GRID2: variants seen among roughly 807,000 people sequenced by gnomAD.
GRID2 encodes glutamate ionotropic receptor delta type subunit 2, also known as glutamate receptor ionotropic, delta-2.
In GRID2, 33 loss-of-function variants were observed where a neutral mutation model predicts 114.8. The ratio of observed to expected loss-of-function variants is 0.29; its 90% CI spans 0.22 to 0.38. The LOEUF (loss-of-function observed/expected upper bound fraction) is 0.38. Ranked by LOEUF, GRID2 falls within the 10% of genes least tolerant of loss-of-function variation. The pLI is 1.00. For missense variants in GRID2, 1,184 were observed against 1,257.7 expected (o/e 0.94, Z 0.89); for synonymous variants, 505 against 449.9 (o/e 1.12, Z -1.55).
At chr4:92,501,890 T>C (rs1372166600) in intron 1 of GRID2, among the ~76,000 whole-genome samples, 2 of 152,202 alleles carry the variant, frequency 1.3e-5, no homozygotes, top group Non-Finnish European at 2.9e-5. Flanking sequence ...TCAGATGACA[T>C]ATGAAACAGT....
chr4:92,828,320 A>G (rs972624567), intron 2 of GRID2, among the ~76,000 whole-genome samples: 4 of 152,138 alleles, frequency 2.6e-5, no homozygotes, highest in Admixed American at 2.0e-4. Flanking sequence ...ATAGATTTGC[A>G]CTTGATAGAT....
chr4:92,880,267 A>G (rs1578375126), intron 2 of GRID2, among the ~76,000 whole-genome samples: 1 of 152,202 alleles, frequency 6.6e-6, no homozygotes, highest in Non-Finnish European at 1.5e-5. Flanking sequence ...TTGATTACCT[A>G]TTAACAACTG....
chr4:92,337,773 G>A (rs1426430242), intron 1 of GRID2, among the ~76,000 whole-genome samples: 1 of 152,094 alleles, frequency 6.6e-6, no homozygotes, highest in Non-Finnish European at 1.5e-5. Context: ...GATTTGGGTG[G>A]GGACACAAAG....
At chr4:93,791,823 TA>T (rs1278672859) in intron 1 of GRID2, among the ~76,000 whole-genome samples, 2 of 147,668 alleles carry the variant, frequency 1.4e-5, no homozygotes, top group African/African-American at 5.3e-5. Flanking sequence ...AGTTTAGCTT[TA>T]AATTCTGTTT....
chr4:93,778,382 A>C (rs1427132048), downstream of GRID2, among the ~76,000 whole-genome samples: 2 of 145,394 alleles, frequency 1.4e-5, no homozygotes, highest in African/African-American at 5.0e-5. Context: ...TGTTCAGCTT[A>C]TCTCATTTGG....
At chr4:92,530,344 T>G (rs539666518) in intron 1 of GRID2, among the ~76,000 whole-genome samples, 2 of 152,092 alleles carry the variant, frequency 1.3e-5, no homozygotes, top group South Asian at 4.1e-4. Context: ...AATGCCTTGT[T>G]GTGTGATGCA....
At chr4:92,371,538 G>A (rs980394309) in intron 1 of GRID2, among the ~76,000 whole-genome samples, 3 of 152,110 alleles carry the variant, frequency 2.0e-5, no homozygotes, top group Non-Finnish European at 2.9e-5. Flanking sequence ...GGAAGACAAT[G>A]TATGTGTTTC....
intron 2 of GRID2, among the ~76,000 whole-genome samples, chr4:92,641,219 A>G (rs62309173): frequency 0.046 from 7,043 of 151,798 alleles, 211 homozygotes; most frequent in East Asian, 0.093. Context: ...TACTAGACAT[A>G]TAGACATCCT....
At chr4:93,108,806 T>G (rs1260201140) in intron 3 of GRID2, among the ~76,000 whole-genome samples, 1 of 151,984 alleles carries the variant, frequency 6.6e-6, no homozygotes, top group Non-Finnish European at 1.5e-5. Context: ...AATTTTCGTA[T>G]TTTTAGTAGA....
intron 14 of GRID2, among the ~76,000 whole-genome samples, chr4:93,667,152 T>C (rs536644260): frequency 6.6e-6 from 1 of 152,102 alleles, no homozygotes; most frequent in East Asian, 1.9e-4. Flanking sequence ...AATAAGACAA[T>C]TCAGTATATC....
chr4:93,666,415 G>A (rs766188361), intron 14 of GRID2, among the ~76,000 whole-genome samples: 1 of 152,012 alleles, frequency 6.6e-6, no homozygotes, highest in East Asian at 1.9e-4. Context: ...ATTTTTCAGA[G>A]AGGTATTTAA....
chr4:92,578,717 T>TATCAATCA (rs1728024604), intron 1 of GRID2, among the ~76,000 whole-genome samples: 1 of 109,408 alleles, frequency 9.1e-6, no homozygotes, highest in Non-Finnish European at 1.9e-5. Context: ...AAAATATCAT[T>TATCAATCA]ATCTATCTAT....
Position 92,439,167 on chromosome 4 carries a change from T to C in GRID2, c.88+134423T>C, listed in dbSNP as rs566189919. Among the ~76,000 whole-genome samples the C allele has an allele frequency of 4.5e-3, 680 of 151,310 alleles. 7 individuals carry two copies. The highest frequency in any genetic ancestry group is 0.016 in the African/African-American group (651 of 41,196). ...GGCAGGAGTGGGGGTTGCAAGTTGC[T>C]CAGTGGGGGTGCTTTTTGAGCCAGG... On this transcript the variant is annotated intron_variant, in intron 1 of 15. Transcript: ENST00000282020.
intron 9 of GRID2, among the ~76,000 whole-genome samples, chr4:93,414,227 G>C (rs775355995): frequency 3.0e-4 from 46 of 152,146 alleles, no homozygotes; most frequent in African/African-American, 1.0e-3. Flanking sequence ...ATTGCAAAAG[G>C]CTCCTAATTG....
At chr4:93,787,903 G>A (rs987493404) in intron 1 of GRID2, among the ~76,000 whole-genome samples, 1 of 152,116 alleles carries the variant, frequency 6.6e-6, no homozygotes, top group East Asian at 1.9e-4. Flanking sequence ...ATGTCTGGAC[G>A]AATAGACTCA....
In GRID2 at chr4:93,422,878, C is replaced by T; in HGVS notation, c.1455C>T (p.Asn485=). ...LDALSNYLGF[N]YEIYVAPDHK... ...CCTTATCTAACTACCTGGGTTTTAA[C>T]TACGAAATTTACGTAGCACCGGATC... Residue 485 remains asparagine (N), a synonymous_variant, in exon 10 of 16, where the codon AAC becomes AAT. Transcript: ENST00000282020. 2 of 1,613,608 alleles carry T rather than the reference C, an allele frequency of 1.2e-6. No homozygotes were observed. Among genetic ancestry groups the T allele is most frequent in the Non-Finnish European group, 1.7e-6 (2 of 1,179,602 alleles).
intron 1 of GRID2, among the ~76,000 whole-genome samples, chr4:92,480,034 G>A (rs1722505535): frequency 6.6e-6 from 1 of 151,946 alleles, no homozygotes; most frequent in South Asian, 2.1e-4. Context: ...TATTATTATT[G>A]TTATTTTGGA....
intron 14 of GRID2, among the ~76,000 whole-genome samples, chr4:93,699,162 A>G (rs1257311678): frequency 6.6e-6 from 1 of 152,110 alleles, no homozygotes; most frequent in African/African-American, 2.4e-5. Context: ...AAAGCATTTG[A>G]GAAATTGTGA....
At chr4:92,490,021 C>T (rs772185398) in intron 1 of GRID2, among the ~76,000 whole-genome samples, 19 of 151,924 alleles carry the variant, frequency 1.3e-4, no homozygotes, top group South Asian at 8.3e-4. Flanking sequence ...ATCAAAAGTA[C>T]GTTTCCTTAA....
Sources: gnomAD v4.1 joint callset for allele counts (sites outside exome capture counted in the v4.1 genomes callset) on GRCh38, gnomAD v4.1.1 for gene constraint, MANE v1.5 for transcripts, NCBI Gene and HGNC (gene_info 2026-07-23, HGNC 2026-07-21) for gene names.